ADAM10: variants seen among roughly 807,000 people sequenced by gnomAD.
ADAM10 encodes disintegrin and metalloproteinase domain-containing protein 10.
In ADAM10, 17 loss-of-function variants were observed where a neutral mutation model predicts 90.1. The observed-to-expected ratio is 0.19, with a 90% CI of 0.13 to 0.28. The LOEUF (loss-of-function observed/expected upper bound fraction) is 0.28, where lower values mean the gene tolerates loss of function less well. Ranked by LOEUF, ADAM10 falls within the 10% of genes least tolerant of loss-of-function variation. ADAM10 has a pLI of 1.00. For synonymous variants in ADAM10, 310 were observed against 298.6 expected, an observed-to-expected ratio of 1.04 and a Z score of -0.40; for missense variants, 610 against 914.3, an observed-to-expected ratio of 0.67 and a Z score of 4.29.
At chr15:58,741,113 A>G (rs551149217) in intron 1 of ADAM10, among the ~76,000 whole-genome samples, 44 of 152,344 alleles carry the variant, frequency 2.9e-4, no homozygotes, top group African/African-American at 1.0e-3. Flanking sequence ...TTCAAAGTTC[A>G]AATGTATGCA....
chr15:58,688,786 A>ATATATATATATATATC lies in ADAM10; in HGVS notation c.207-6473_207-6472insGATATATATATATATA. ...AAAAATTATATATATATATATATAT[A>ATATATATATATATATC]TCTCTCTCTCTCACTGGACTGACTT... On this transcript the variant is annotated intron_variant, in intron 2 of 15. Coordinates refer to ENST00000260408, the MANE Select transcript of ADAM10 (RefSeq NM_001110.4). Among the ~76,000 whole-genome samples, 234 of 122,310 alleles carry ATATATATATATATATC rather than the reference A, an allele frequency of 1.9e-3. 2 individuals carry two copies. In the East Asian group the frequency reaches 0.023, roughly 12 times the overall value. The allele number at this position is 122,310 out of a possible 152,430, so 80.2% of individuals were successfully genotyped here.
chr15:58,702,148 T>C (rs1898153374), intron 2 of ADAM10, among the ~76,000 whole-genome samples: 1 of 152,028 alleles, frequency 6.6e-6, no homozygotes, highest in South Asian at 2.1e-4. Context: ...TTTGCAGCAA[T>C]ATGAATGGAA....
At chr15:58,711,994 T>C (rs1240793930) in intron 2 of ADAM10, among the ~76,000 whole-genome samples, 1 of 152,098 alleles carries the variant, frequency 6.6e-6, no homozygotes, top group African/African-American at 2.4e-5. Context: ...TAAGTTAAAA[T>C]ATATATATAC....
At chr15:58,706,962 T>C (rs1411037205) in intron 2 of ADAM10, among the ~76,000 whole-genome samples, 3 of 138,174 alleles carry the variant, frequency 2.2e-5, no homozygotes, top group African/African-American at 2.8e-5. Flanking sequence ...TGAGCTGAGA[T>C]CGCGCCATTG....
chr15:58,662,824 C>T lies in ADAM10; in HGVS notation c.585+2273G>A, dbSNP rs570933635. Among the ~76,000 whole-genome samples, 45 of 152,300 alleles carry T rather than the reference C, an allele frequency of 3.0e-4. No homozygotes were observed. The East Asian group carries it at 6.0e-3, about 20-fold the overall frequency. The stretch of plus-strand genomic sequence containing the variant: ...AGCTTTTTCTCAACACAGCTCTCTC[C>T]TCTCAGGTATTGCGCCCGTAAGTCC... On this transcript the variant is annotated intron_variant, in intron 5 of 15. Coordinates refer to ENST00000260408, the MANE Select transcript of ADAM10 (RefSeq NM_001110.4).
In ADAM10 at chr15:58,691,666, A is replaced by ACTT. The variant is rs754125219; in HGVS notation, c.207-9355_207-9353dup. 6.5e-4 allele frequency: 187 copies of ACTT among 289,042 alleles called. 5 individuals are homozygous for ACTT. The highest frequency in any genetic ancestry group is 4.2e-3 in the African/African-American group (157 of 37,718). 17.9% of individuals were successfully genotyped at this position (289,042 alleles called of 1,614,324 possible). A position where few individuals can be genotyped will look rare whatever the true frequency, so the allele number is the denominator to read the frequency against. Reference sequence around the variant, plus strand: ...AGCCCAGAGAAGCTAAGCTCAAGCCACTTCTTCTTCTTTTTTTTTTTTTTT... The same window carrying ACTT: ...AGCCCAGAGAAGCTAAGCTCAAGCCACTTCTTCTTCTTCTTTTTTTTTTTTTTT... On this transcript the variant is annotated intron_variant, in intron 2 of 15. Coordinates refer to ENST00000260408, the MANE Select transcript of ADAM10 (RefSeq NM_001110.4).
intron 4 of ADAM10, among the ~76,000 whole-genome samples, chr15:58,667,445 T>C (rs963488031): frequency 5.0e-4 from 76 of 152,118 alleles, no homozygotes; most frequent in African/African-American, 1.8e-3. Flanking sequence ...CAGCCTTATG[T>C]GACTAGCAGC....
intron 5 of ADAM10, among the ~76,000 whole-genome samples, chr15:58,650,915 T>C (rs1896669139): frequency 6.6e-6 from 1 of 152,130 alleles, no homozygotes; most frequent in African/African-American, 2.4e-5. Context: ...ACAAAGTTTA[T>C]AACTTGTCTT....
chr15:58,640,631 C>T (rs2140686507), intron 8 of ADAM10, 146 bp downstream of exon 8: 2 of 751,846 alleles, frequency 2.7e-6, no homozygotes, highest in East Asian at 2.7e-5. Flanking sequence ...TTACATTATG[C>T]TTATGAGTCT....
chr15:58,746,001 C>T (rs1343887297), intron 1 of ADAM10, among the ~76,000 whole-genome samples: 1 of 152,184 alleles, frequency 6.6e-6, no homozygotes, highest in African/African-American at 2.4e-5. Flanking sequence ...AAACATATCT[C>T]TAAGGTAGTT....
chr15:58,660,184 CT>C (rs377251262), intron 5 of ADAM10, among the ~76,000 whole-genome samples: 11 of 151,756 alleles, frequency 7.2e-5, no homozygotes, highest in African/African-American at 2.4e-4. Context: ...ATTTTCTTTT[CT>C]TTTTTTTCTT....
chr15:58,628,364 T>C (rs1290637889), intron 9 of ADAM10, among the ~76,000 whole-genome samples: 1 of 152,052 alleles, frequency 6.6e-6, no homozygotes, highest in Non-Finnish European at 1.5e-5. Flanking sequence ...GCTAACTTAA[T>C]AGCCAATATA....
intron 2 of ADAM10, among the ~76,000 whole-genome samples, chr15:58,688,416 T>A (rs1897667793): frequency 6.8e-6 from 1 of 146,002 alleles, no homozygotes; most frequent in African/African-American, 2.6e-5. Context: ...AATCAAAATG[T>A]GAAATATCCA....
At chr15:58,672,070 T>TC (rs10640015) in intron 4 of ADAM10, among the ~76,000 whole-genome samples, 1 of 151,384 alleles carries the variant, frequency 6.6e-6, no homozygotes, top group Non-Finnish European at 1.5e-5. Flanking sequence ...TAAAACAAAA[T>TC]AAAAGATAGT....
chr15:58,686,319 GA>G (rs2140762128), intron 2 of ADAM10: 1 of 609,440 alleles, frequency 1.6e-6, no homozygotes, highest in East Asian at 2.8e-5. Flanking sequence ...TTGGAAATAG[GA>G]ACAAACTATT....
chr15:58,653,866 T>C (rs956407089), intron 5 of ADAM10, among the ~76,000 whole-genome samples: 1 of 152,186 alleles, frequency 6.6e-6, no homozygotes, highest in Non-Finnish European at 1.5e-5. Flanking sequence ...TGGAAGACTT[T>C]TTATTACAGC....
At chr15:58,747,104 A>G (rs1028449316) in intron 1 of ADAM10, among the ~76,000 whole-genome samples, 3 of 152,212 alleles carry the variant, frequency 2.0e-5, no homozygotes, top group Admixed American at 6.5e-5. Flanking sequence ...AACATTATGG[A>G]ATTTACTGCT....
Position 58,627,797 on chromosome 15 carries a change from T to C in ADAM10, c.1263A>G (p.Ala421=), listed in dbSNP as rs1424824837. 4 of 1,613,628 alleles carry C rather than the reference T, an allele frequency of 2.5e-6. No homozygotes were observed. The highest frequency in any genetic ancestry group is 2.7e-5 in the African/African-American group (2 of 74,932). ...ENGNYIMYAR[A]TSGDKLNNNK... ...TGTTGTTAAGTTTGTCCCCAGATGTTGCTCTTGCATACATGATGTAATTGC... is the reference window on the plus strand; with the variant it reads ...TGTTGTTAAGTTTGTCCCCAGATGTCGCTCTTGCATACATGATGTAATTGC... Residue 421 remains alanine (A), a synonymous_variant, in exon 10 of 16, where the codon GCA becomes GCG. Coordinates refer to ENST00000260408, the MANE Select transcript of ADAM10 (RefSeq NM_001110.4).
chr15:58,743,484 T>G (rs945288469), intron 1 of ADAM10, among the ~76,000 whole-genome samples: 1 of 152,216 alleles, frequency 6.6e-6, no homozygotes, highest in Non-Finnish European at 1.5e-5. Context: ...TTTAACTTTA[T>G]ACAAATGTAA....
Sources: allele counts gnomAD v4.1 joint callset (sites outside exome capture counted in the v4.1 genomes callset), GRCh38; gene constraint gnomAD v4.1.1; transcripts MANE v1.5; gene names NCBI Gene and HGNC (gene_info 2026-07-23, HGNC 2026-07-21).